The following OLFM3 variants were observed in gnomAD, a reference collection of about 807,000 sequenced individuals.
The protein encoded by OLFM3 is olfactomedin 3, also known as noelin-3.
A neutral mutation model predicts 48.6 loss-of-function variants in OLFM3; 20 were observed. The observed-to-expected ratio is 0.41, with a 90% CI of 0.29 to 0.60. The LOEUF is 0.60. OLFM3 is among the 20% of genes least tolerant of loss of function. The pLI, the probability that OLFM3 is intolerant of heterozygous loss-of-function variation, is 0.28. For synonymous variants in OLFM3, 222 were observed against 198.1 expected (o/e 1.12, Z -1.01); for missense variants, 437 against 544.3 (o/e 0.80, Z 1.96).
intron 1 of OLFM3, among the ~76,000 whole-genome samples, chr1:101,984,600 A>T (rs550794579): frequency 2.2e-4 from 34 of 152,282 alleles, no homozygotes; most frequent in South Asian, 4.1e-4. Flanking sequence ...GGGTTTCACC[A>T]TGTTGGCTAG....
In OLFM3 at chr1:101,941,117, G is replaced by A. The variant is rs150719916; in HGVS notation, c.69+55631C>T. Reference sequence around the variant, plus strand: ...CCCATTTTACTTCACAGAAAAGTGCGAAGTGTGATGGCACCAGCAGATTGG... The same window carrying A: ...CCCATTTTACTTCACAGAAAAGTGCAAAGTGTGATGGCACCAGCAGATTGG... On this transcript the variant is annotated intron_variant, in intron 1 of 5. Coordinates refer to ENST00000370103, the MANE Select transcript of OLFM3 (RefSeq NM_058170.4). 2.0e-4 allele frequency among the ~76,000 whole-genome samples: 31 copies of A among 152,268 alleles called. No homozygotes were observed. In the East Asian group the frequency reaches 5.4e-3, roughly 27 times the overall value.
intron 1 of OLFM3, among the ~76,000 whole-genome samples, chr1:101,847,298 T>C (rs1656046829): frequency 6.6e-6 from 1 of 151,958 alleles, no homozygotes; most frequent in South Asian, 2.1e-4. Context: ...TTAGTTACCA[T>C]CAACAGAATC....
At chr1:101,833,877 T>C (rs1319179883) in intron 2 of OLFM3, among the ~76,000 whole-genome samples, 2 of 152,218 alleles carry the variant, frequency 1.3e-5, no homozygotes, top group African/African-American at 4.8e-5. Context: ...TGAAGTATCA[T>C]GTACAATGTT....
intron 1 of OLFM3, among the ~76,000 whole-genome samples, chr1:101,838,756 A>C (rs1488856998): frequency 2.6e-5 from 4 of 152,182 alleles, no homozygotes; most frequent in Admixed American, 6.5e-5. Context: ...CTGCGACTAA[A>C]GCTCTAAGCC....
intron 4 of OLFM3, 77 bp downstream of exon 4, chr1:101,824,947 CTT>C: frequency 8.1e-7 from 1 of 1,241,608 alleles, no homozygotes; most frequent in South Asian, 1.3e-5. Flanking sequence ...TTTTATGACT[CTT>C]TATAAAACGT....
chr1:101,945,467 G>A (rs1018068102), intron 1 of OLFM3, among the ~76,000 whole-genome samples: 2 of 152,086 alleles, frequency 1.3e-5, no homozygotes, highest in African/African-American at 4.8e-5. Context: ...AATTATAGTT[G>A]CAGGAAGCAG....
chr1:101,938,344 A>G (rs1659685641), intron 1 of OLFM3, among the ~76,000 whole-genome samples: 1 of 152,152 alleles, frequency 6.6e-6, no homozygotes, highest in East Asian at 1.9e-4. Flanking sequence ...ACAGGACTTT[A>G]CCTCTGAGTT....
Position 101,813,602 on chromosome 1 carries a change from G to T in OLFM3, c.593-7420C>A, listed in dbSNP as rs140854791. Among the ~76,000 whole-genome samples the T allele has an allele frequency of 5.6e-3, 857 of 152,194 alleles. 4 individuals are homozygous for T. The highest frequency in any genetic ancestry group is 9.0e-3 in the Non-Finnish European group (614 of 68,008). ...TCAATATATATCTAGTGTTGGCCAG[G>T]GAAGGTCTTATGAACACTTATGAAT... On this transcript the variant is annotated intron_variant, in intron 4 of 5. Transcript: ENST00000370103.
At chr1:101,914,564 A>T (rs943886857) in intron 1 of OLFM3, among the ~76,000 whole-genome samples, 1 of 152,182 alleles carries the variant, frequency 6.6e-6, no homozygotes, top group African/African-American at 2.4e-5. Flanking sequence ...AAATTAGCTC[A>T]TTGCTTTGGA....
chr1:101,916,604 A>G (rs1658935026), intron 1 of OLFM3, among the ~76,000 whole-genome samples: 1 of 152,184 alleles, frequency 6.6e-6, no homozygotes, highest in Non-Finnish European at 1.5e-5. Flanking sequence ...GTTTTTGTTG[A>G]AGATGGTAGC....
intron 1 of OLFM3, among the ~76,000 whole-genome samples, chr1:101,907,194 T>C (rs1658582724): frequency 6.6e-6 from 1 of 152,228 alleles, no homozygotes; most frequent in Non-Finnish European, 1.5e-5. Flanking sequence ...CTTAATGAGA[T>C]ATTTGGATAA....
rs1439477921 is a variant in OLFM3 at position 101,804,072 on chromosome 1, T to C, written c.*166A>G. 2 of 527,926 alleles carry C rather than the reference T, an allele frequency of 3.8e-6. No homozygotes were observed. Among genetic ancestry groups the C allele is most frequent in the Non-Finnish European group, 6.5e-6 (2 of 307,480 alleles). The allele number at this position is 527,926 out of a possible 1,614,324, so 32.7% of individuals were successfully genotyped here. A position where few individuals can be genotyped will look rare whatever the true frequency, so the allele number is the denominator to read the frequency against. ...AAGTTAAGATGTGTTTCCAACATGG[T>C]AAGTTAGACAAGCTCAGCTATGTTT... On this transcript the variant is annotated 3_prime_UTR_variant, in exon 6 of 6. Transcript: ENST00000370103. This position sits in a 1 kb window ranked among gnomAD's most constrained non-coding sequence, Gnocchi z 4.5.
At chr1:101,944,147 CTG>C (rs1216349475) in intron 1 of OLFM3, among the ~76,000 whole-genome samples, 1 of 151,508 alleles carries the variant, frequency 6.6e-6, no homozygotes, top group East Asian at 1.9e-4. Context: ...GTTAAATAAT[CTG>C]TGCCTACTTC....
At chr1:101,879,962 A>T (rs1287251506) in intron 1 of OLFM3, among the ~76,000 whole-genome samples, 1 of 151,906 alleles carries the variant, frequency 6.6e-6, no homozygotes, top group Non-Finnish European at 1.5e-5. Context: ...ATCTGGGATT[A>T]TAAAAAGAGC....
At chr1:101,880,112 C>A (rs561304224) in intron 1 of OLFM3, among the ~76,000 whole-genome samples, 1 of 151,956 alleles carries the variant, frequency 6.6e-6, no homozygotes, top group South Asian at 2.1e-4. Context: ...CTGATTACAA[C>A]TTTAGAAATG....
intron 4 of OLFM3, among the ~76,000 whole-genome samples, chr1:101,824,370 A>G (rs1025961679): frequency 6.6e-6 from 1 of 152,160 alleles, no homozygotes; most frequent in South Asian, 2.1e-4. Context: ...GGATATCACG[A>G]AAGAGTTTGT....
chr1:101,959,156 G>A (rs1660391352), intron 1 of OLFM3, among the ~76,000 whole-genome samples: 1 of 151,896 alleles, frequency 6.6e-6, no homozygotes, highest in African/African-American at 2.4e-5. Flanking sequence ...AACTGCATGT[G>A]AGGCTGCAAT....
rs1181643344 is a variant in OLFM3 at position 101,803,274 on chromosome 1, T to G, written c.*964A>C. ...AATTAAATGCTAGTACATTTAACTA[T>G]GAAGAACAAAATTTCTTTAGTGTAT... On this transcript the variant is annotated 3_prime_UTR_variant, in exon 6 of 6. Transcript: ENST00000370103. 13 of 152,140 alleles carry G rather than the reference T, an allele frequency of 8.5e-5. No homozygotes were observed. The allele number at this position is 152,140 out of a possible 1,614,324, so 9.4% of individuals were successfully genotyped here. A position where few individuals can be genotyped will look rare whatever the true frequency, so the allele number is the denominator to read the frequency against.
chr1:101,901,765 T>C (rs1357822044), intron 1 of OLFM3, among the ~76,000 whole-genome samples: 1 of 152,034 alleles, frequency 6.6e-6, no homozygotes, highest in Non-Finnish European at 1.5e-5. Flanking sequence ...GACGACTAAA[T>C]TTCAACTGGG....
Sources: gnomAD v4.1 joint callset for allele counts (sites outside exome capture counted in the v4.1 genomes callset) on GRCh38, gnomAD v4.1.1 for gene constraint, Gnocchi (gnomAD v3.1) non-coding constraint, MANE v1.5 for transcripts, NCBI Gene and HGNC (gene_info 2026-07-23, HGNC 2026-07-21) for gene names.